ST6GALNAC5: variants seen among roughly 807,000 people sequenced by gnomAD.
ST6GALNAC5 encodes ST6 N-acetylgalactosaminide alpha-2,6-sialyltransferase 5.
Under a neutral mutation model 33.6 loss-of-function variants are expected in ST6GALNAC5, and 27 were observed. The observed-to-expected ratio is 0.80, with a 90% CI of 0.59 to 1.11. The LOEUF (loss-of-function observed/expected upper bound fraction) is 1.11, where lower values mean the gene tolerates loss of function less well. Ranked by LOEUF, ST6GALNAC5 falls within the 50% of genes least tolerant of loss-of-function variation. The pLI is 0.00. For missense variants in ST6GALNAC5, 428 were observed against 454.0 expected (o/e 0.94, Z 0.52); for synonymous variants, 194 against 171.2 (o/e 1.13, Z -1.04).
intron 2 of ST6GALNAC5, among the ~76,000 whole-genome samples, chr1:76,907,745 T>C (rs946851397): frequency 6.6e-6 from 1 of 152,126 alleles, no homozygotes; most frequent in African/African-American, 2.4e-5. Flanking sequence ...AGGGGTCTTA[T>C]AAGTGGCGCT....
intron 2 of ST6GALNAC5, among the ~76,000 whole-genome samples, chr1:76,919,579 G>A (rs372952315): frequency 7.8e-4 from 119 of 152,198 alleles, no homozygotes; most frequent in South Asian, 6.0e-3. Context: ...GCATATATCC[G>A]ATAGTCTCAT....
intron 2 of ST6GALNAC5, among the ~76,000 whole-genome samples, chr1:76,965,903 G>A (rs897805205): frequency 2.0e-5 from 3 of 152,204 alleles, no homozygotes; most frequent in African/African-American, 7.2e-5. Context: ...GTTTGTCAAA[G>A]ATCAGATGGT....
At chr1:76,895,145 A>G (rs1654099992) in intron 2 of ST6GALNAC5, among the ~76,000 whole-genome samples, 1 of 152,190 alleles carries the variant, frequency 6.6e-6, no homozygotes, top group South Asian at 2.1e-4. Context: ...CAGTTAAGGC[A>G]GGAACCGGCC....
chr1:77,027,391 C>T lies in ST6GALNAC5; in HGVS notation c.262-16813C>T, dbSNP rs145228396. On this transcript the variant is annotated intron_variant, in intron 2 of 4. Coordinates refer to ENST00000477717, the MANE Select transcript of ST6GALNAC5 (RefSeq NM_030965.3). ...TTAAGAGGGGTGACCATTTATTGAG[C>T]GTTTACTGTGTGTGTTGAAAACTGT... Among the ~76,000 whole-genome samples the T allele has an allele frequency of 6.0e-3, 911 of 152,200 alleles. 7 individuals carry two copies. Among genetic ancestry groups the T allele is most frequent in the African/African-American group, 0.02 (850 of 41,512 alleles).
At position 76,867,629 on chromosome 1, in the gene ST6GALNAC5, C is replaced by G; in HGVS notation, c.-47C>G. The G allele has an allele frequency of 6.2e-7, 1 of 1,614,114 alleles. No individual in the cohort carries two copies. On this transcript the variant is annotated 5_prime_UTR_variant, in exon 1 of 5. Coordinates refer to ENST00000477717, the MANE Select transcript of ST6GALNAC5 (RefSeq NM_030965.3). ...ATGGAAACCCTCCAGGAAAAAGTGG[C>G]CCCGGACGCGCGAGCCTGAGGATTC...
In ST6GALNAC5 at chr1:77,066,373, G is replaced by T. The variant is rs1249521142; in HGVS notation, c.*3167G>T. On this transcript the variant is annotated 3_prime_UTR_variant, in exon 5 of 5. Transcript: ENST00000477717. ...ATTTGTGTATCCTTTGTTTTCTGAA[G>T]TTCTCTCCATTACTGATCTATTTGA... 2.6e-5 allele frequency among the ~76,000 whole-genome samples: 4 copies of T among 152,112 alleles called. 1 individual carries two copies.
intron 2 of ST6GALNAC5, among the ~76,000 whole-genome samples, chr1:76,910,862 T>C (rs1201352617): frequency 6.6e-6 from 1 of 151,796 alleles, no homozygotes; most frequent in Non-Finnish European, 1.5e-5. Flanking sequence ...AATGGTATAT[T>C]TAAATAAGTG....
chr1:76,917,112 T>C (rs2100291310), intron 2 of ST6GALNAC5, among the ~76,000 whole-genome samples: 1 of 152,292 alleles, frequency 6.6e-6, no homozygotes, highest in South Asian at 2.1e-4. Context: ...AAATTTTGAT[T>C]TGGTAAAGGA....
chr1:76,899,320 G>C (rs1454511177), intron 2 of ST6GALNAC5, among the ~76,000 whole-genome samples: 3 of 152,074 alleles, frequency 2.0e-5, no homozygotes, highest in Non-Finnish European at 4.4e-5. Flanking sequence ...ACAGAGAAGG[G>C]GTGGGGGTTT....
At position 77,001,566 on chromosome 1, in the gene ST6GALNAC5, G is replaced by A. The variant is rs201324935; in HGVS notation, c.262-42638G>A. On this transcript the variant is annotated intron_variant, in intron 2 of 4. Coordinates refer to ENST00000477717, the MANE Select transcript of ST6GALNAC5 (RefSeq NM_030965.3). ...TGGTGAGAGAGGGCATCCCTGTCTT[G>A]TGCCAGTTTTCGAAGGGAATGCTTC... is the stretch of plus-strand genomic sequence containing the variant. Among the ~76,000 whole-genome samples the A allele has an allele frequency of 3.0e-3, 459 of 150,818 alleles. 9 individuals carry two copies. In the East Asian group the frequency reaches 0.06, roughly 20 times the overall value.
chr1:77,016,642 T>C (rs1046211424), intron 2 of ST6GALNAC5, among the ~76,000 whole-genome samples: 2 of 152,210 alleles, frequency 1.3e-5, no homozygotes, highest in East Asian at 2.0e-4. Context: ...GCTGCTTTCA[T>C]TGTGTAAACT....
At chr1:77,012,621 C>A (rs1231249808) in intron 2 of ST6GALNAC5, among the ~76,000 whole-genome samples, 1 of 152,098 alleles carries the variant, frequency 6.6e-6, no homozygotes, top group Non-Finnish European at 1.5e-5. Flanking sequence ...GTGGGAGAGG[C>A]CTTGGCCTTT....
At chr1:77,019,513 G>A (rs934902167) in intron 2 of ST6GALNAC5, among the ~76,000 whole-genome samples, 1 of 152,194 alleles carries the variant, frequency 6.6e-6, no homozygotes, top group Admixed American at 6.5e-5. Context: ...GTTCATGCAG[G>A]CAATTCCTCC....
intron 2 of ST6GALNAC5, among the ~76,000 whole-genome samples, chr1:76,973,507 C>T (rs1185146633): frequency 1.3e-5 from 2 of 152,092 alleles, no homozygotes; most frequent in East Asian, 3.9e-4. Context: ...TTGAAGTCCA[C>T]TAACTTAAAT....
intron 2 of ST6GALNAC5, among the ~76,000 whole-genome samples, chr1:76,914,545 C>T (rs1302544378): frequency 6.6e-6 from 1 of 152,124 alleles, no homozygotes; most frequent in African/African-American, 2.4e-5. Flanking sequence ...TGCATATCTA[C>T]AACTATCTGA....
chr1:76,914,847 T>G (rs1216204829), intron 2 of ST6GALNAC5, among the ~76,000 whole-genome samples: 2 of 152,212 alleles, frequency 1.3e-5, no homozygotes, highest in Non-Finnish European at 2.9e-5. Context: ...AAATGGGATC[T>G]AATTAAACTC....
chr1:77,015,177 G>A (rs2100428482), intron 2 of ST6GALNAC5, among the ~76,000 whole-genome samples: 1 of 152,228 alleles, frequency 6.6e-6, no homozygotes, highest in East Asian at 1.9e-4. Flanking sequence ...ACTCAGGAAA[G>A]CCAGTAGGGT....
At chr1:77,038,484 G>A (rs747696534) in intron 2 of ST6GALNAC5, among the ~76,000 whole-genome samples, 3 of 152,152 alleles carry the variant, frequency 2.0e-5, no homozygotes, top group Admixed American at 6.5e-5. Flanking sequence ...GAGCAAGACC[G>A]GTCTCATTAC....
At chr1:76,942,977 C>G (rs956031458) in intron 2 of ST6GALNAC5, among the ~76,000 whole-genome samples, 2 of 152,096 alleles carry the variant, frequency 1.3e-5, no homozygotes, top group Non-Finnish European at 2.9e-5. Context: ...AAAAACAACT[C>G]TATGTCCTCC....
Sources: gnomAD v4.1 joint callset for allele counts (sites outside exome capture counted in the v4.1 genomes callset) on GRCh38, gnomAD v4.1.1 for gene constraint, MANE v1.5 for transcripts, NCBI Gene and HGNC (gene_info 2026-07-23, HGNC 2026-07-21) for gene names.